The following LCK variants were observed in gnomAD, a reference collection of about 807,000 sequenced individuals.
LCK encodes the protein tyrosine-protein kinase Lck.
A neutral mutation model predicts 64.6 loss-of-function variants in LCK; 14 were observed. That is an observed-to-expected ratio of 0.22 (90% CI 0.14 to 0.34). The LOEUF (loss-of-function observed/expected upper bound fraction) is 0.34, where lower values mean the gene tolerates loss of function less well. Ranked by LOEUF, LCK falls within the 10% of genes least tolerant of loss-of-function variation. The pLI is 1.00. For synonymous variants in LCK, 277 were observed against 263.6 expected (o/e 1.05, Z -0.49); for missense variants, 434 against 668.1 (o/e 0.65, Z 3.86).
chr1:32,264,546 G>A (rs1380312972), intron 1 of LCK, among the ~76,000 whole-genome samples: 1 of 151,984 alleles, frequency 6.6e-6, no homozygotes, highest in Non-Finnish European at 1.5e-5. Flanking sequence ...GGAACCCTCA[G>A]TGTATTATTG....
intron 2 of LCK, 80 bp downstream of exon 2, chr1:32,274,514 G>A: frequency 1.6e-6 from 2 of 1,216,944 alleles, no homozygotes; most frequent in Non-Finnish European, 2.3e-6. Context: ...CAGCACTACA[G>A]GCCCTTGAAA....
chr1:32,263,522 A>T (rs960296521), intron 1 of LCK, among the ~76,000 whole-genome samples: 4 of 152,142 alleles, frequency 2.6e-5, no homozygotes, highest in Admixed American at 2.6e-4. Flanking sequence ...GGACTGCTTG[A>T]GCCCATGAGT....
Position 32,251,429 on chromosome 1 carries a change from G to A in LCK, c.-6+58G>A, listed in dbSNP as rs981094558. 3.3e-5 allele frequency: 5 copies of A among 153,566 alleles called. No homozygotes were observed. The highest frequency in any genetic ancestry group is 4.8e-5 in the African/African-American group (2 of 41,492). The allele number at this position is 153,566 out of a possible 1,614,324, so 9.5% of individuals were successfully genotyped here. A position where few individuals can be genotyped will look rare whatever the true frequency, so the allele number is the denominator to read the frequency against. ...CGGGGTGAGAGGCCTGATAGCAGAC[G>A]GCTGCAGCTGTGCGGGCCCAGGCTC... On this transcript the variant is annotated intron_variant, in intron 1 of 12. Coordinates refer to ENST00000336890, the MANE Select transcript of LCK (RefSeq NM_005356.5). The surrounding 1 kb of genome is among the most constrained non-coding windows in gnomAD (Gnocchi z 4.0).
intron 2 of LCK, 95 bp downstream of exon 2, chr1:32,274,529 A>T: frequency 9.3e-7 from 1 of 1,074,456 alleles, no homozygotes; most frequent in Non-Finnish European, 1.4e-6. Context: ...TTGAAAGAAT[A>T]GAGTGGCCCT....
intron 1 of LCK, among the ~76,000 whole-genome samples, chr1:32,252,234 G>A (rs969276625): frequency 6.6e-6 from 1 of 152,154 alleles, no homozygotes; most frequent in Non-Finnish European, 1.5e-5. Flanking sequence ...CCCCTGCCAA[G>A]CGTCACAGCA....
chr1:32,263,489 C>T (rs1032402856), intron 1 of LCK, among the ~76,000 whole-genome samples: 1 of 151,996 alleles, frequency 6.6e-6, no homozygotes, highest in African/African-American at 2.4e-5. Context: ...GCCATCCCAA[C>T]ACTTTCGGAG....
At position 32,274,898 on chromosome 1, in the gene LCK, T is replaced by C. The variant is rs116407240; in HGVS notation, c.187+80T>C. ...GCTTCCACCTCTCCCCCACCTACTT[T>C]CTCCCCGGTCTTGCCTTCCTTGTCC... On this transcript the variant is annotated intron_variant, in intron 3 of 12. Coordinates refer to ENST00000336890, the MANE Select transcript of LCK (RefSeq NM_005356.5). 5.6e-4 allele frequency: 904 copies of C among 1,613,800 alleles called. 4 individuals are homozygous for C. In the African/African-American group the frequency reaches 0.011, roughly 20 times the overall value.
At chr1:32,252,019 C>G (rs1007940997) in intron 1 of LCK, among the ~76,000 whole-genome samples, 1 of 151,846 alleles carries the variant, frequency 6.6e-6, no homozygotes, top group Non-Finnish European at 1.5e-5. Context: ...TCCTGATGGG[C>G]GTGAACTGAT....
At chr1:32,263,915 TAA>T (rs879349289) in intron 1 of LCK, among the ~76,000 whole-genome samples, 3 of 143,252 alleles carry the variant, frequency 2.1e-5, no homozygotes, top group African/African-American at 2.6e-5. Context: ...AGACCCTGTT[TAA>T]AAAAAAAAAA....
In LCK at chr1:32,275,839, C is replaced by T; in HGVS notation, c.482-75C>T. ...CCGGAGTTGGGGGTGCTGGGTGAGC[C>T]CAAGGTGGGGGCGCGGTGGCGGGCC... On this transcript the variant is annotated intron_variant, in intron 6 of 12. Coordinates refer to ENST00000336890, the MANE Select transcript of LCK (RefSeq NM_005356.5). The surrounding 1 kb of genome is among the most constrained non-coding windows in gnomAD (Gnocchi z 6.9). The T allele has an allele frequency of 6.4e-7, 1 of 1,567,036 alleles. No individual in the cohort carries two copies. Among genetic ancestry groups the T allele is most frequent in the Non-Finnish European group, 8.7e-7 (1 of 1,153,528 alleles).
In LCK at chr1:32,268,020, C is replaced by T. The variant is rs1038254858; in HGVS notation, c.-5-6305C>T. 2.6e-5 allele frequency among the ~76,000 whole-genome samples: 4 copies of T among 151,748 alleles called. No homozygotes were observed. In the East Asian group the frequency reaches 7.8e-4, roughly 29 times the overall value. ...CCATCCTGGCAAACACGATGAAACC[C>T]CATCTCTACTAAAAATATAAAAAAT... On this transcript the variant is annotated intron_variant, in intron 1 of 12. Transcript: ENST00000336890.
intron 1 of LCK, among the ~76,000 whole-genome samples, chr1:32,267,786 TG>T (rs745970727): frequency 2.0e-5 from 3 of 151,714 alleles, no homozygotes; most frequent in Non-Finnish European, 4.4e-5. Context: ...CCCAGTTACT[TG>T]GGAGGCTGAG....
chr1:32,269,104 C>G (rs1315712475), intron 1 of LCK, among the ~76,000 whole-genome samples: 1 of 132,830 alleles, frequency 7.5e-6, no homozygotes, highest in African/African-American at 2.9e-5. Context: ...GGCAACAGAG[C>G]AAGTCTAAAA....
At chr1:32,280,032 G>C in intron 11 of LCK, 38 bp downstream of exon 11, 1 of 1,613,866 alleles carries the variant, frequency 6.2e-7, no homozygotes, top group Non-Finnish European at 8.5e-7. Context: ...GGCCCTGCAG[G>C]GTCTGGCCAA....
At chr1:32,260,530 T>C (rs1357652468) in intron 1 of LCK, among the ~76,000 whole-genome samples, 1 of 152,226 alleles carries the variant, frequency 6.6e-6, no homozygotes, top group Non-Finnish European at 1.5e-5. Flanking sequence ...TTTTCTTTTT[T>C]ACTTTTTGTG....
At chr1:32,260,536 T>C (rs1639741434) in intron 1 of LCK, among the ~76,000 whole-genome samples, 2 of 152,196 alleles carry the variant, frequency 1.3e-5, no homozygotes, top group Admixed American at 1.3e-4. Flanking sequence ...TTTTTACTTT[T>C]TGTGCTCTAC....
rs1352651866 is a variant in LCK at position 32,275,034 on chromosome 1, G to A, written c.229G>A (p.Asp77Asn). 1.9e-6 allele frequency: 3 copies of A among 1,614,032 alleles called. 1 individual carries two copies. Among genetic ancestry groups the A allele is most frequent in the African/African-American group, 1.3e-5 (1 of 74,926 alleles). ...TCTGCACAGCTATGAGCCCTCTCACGACGGAGATCTGGGCTTTGAGAAGGG... is the reference window on the plus strand; with the variant it reads ...TCTGCACAGCTATGAGCCCTCTCACAACGGAGATCTGGGCTTTGAGAAGGG... ...IALHSYEPSH[D>N]GDLGFEKGEQ... Residue 77 changes from aspartate (D) to asparagine (N), a missense_variant, in exon 4 of 13, where the codon GAC becomes AAC. Transcript: ENST00000336890. This position sits in a 1 kb window ranked among gnomAD's most constrained non-coding sequence, Gnocchi z 6.9.
At chr1:32,256,475 G>A (rs1402232790) in intron 1 of LCK, among the ~76,000 whole-genome samples, 10 of 151,732 alleles carry the variant, frequency 6.6e-5, no homozygotes, top group Admixed American at 5.3e-4. Flanking sequence ...GCAGGCGCCT[G>A]TAATCCCAGT....
chr1:32,282,338 A>G (rs1188171019), intron 12 of LCK, among the ~76,000 whole-genome samples: 1 of 152,214 alleles, frequency 6.6e-6, no homozygotes, highest in East Asian at 1.9e-4. Context: ...CAGGGAGACA[A>G]TGGGGAGAAA....
Sources: allele counts gnomAD v4.1 joint callset (sites outside exome capture counted in the v4.1 genomes callset), GRCh38; gene constraint gnomAD v4.1.1; non-coding constraint Gnocchi (gnomAD v3.1); transcripts MANE v1.5; gene names NCBI Gene and HGNC (gene_info 2026-07-23, HGNC 2026-07-21).